The following CEP85L variants were observed in gnomAD, a reference collection of about 807,000 sequenced individuals.
CEP85L encodes the protein centrosomal protein of 85 kDa-like.
CEP85L carries 60 observed loss-of-function variants against 100.3 expected under a neutral mutation model. The ratio of observed to expected loss-of-function variants is 0.60; its 90% CI spans 0.49 to 0.74. CEP85L has a LOEUF of 0.74. Among genes scored for constraint, CEP85L ranks in the 30% least tolerant of loss-of-function variants. The probability of loss-of-function intolerance (pLI) is 0.00; values close to 1 mark genes in which losing one functional copy is unlikely to be tolerated. For missense variants in CEP85L, 973 were observed against 936.2 expected (o/e 1.04, Z -0.51); for synonymous variants, 319 against 322.7 (o/e 0.99, Z 0.12).
At chr6:118,544,025 G>T (rs1778056652) in intron 3 of CEP85L, among the ~76,000 whole-genome samples, 1 of 152,176 alleles carries the variant, frequency 6.6e-6, no homozygotes, top group African/African-American at 2.4e-5. Context: ...GACAGAAAAG[G>T]TATGAGCCTC....
intron 4 of CEP85L, among the ~76,000 whole-genome samples, chr6:118,512,434 G>T (rs1323358629): frequency 2.0e-5 from 3 of 152,172 alleles, no homozygotes; most frequent in Non-Finnish European, 4.4e-5. Flanking sequence ...CCAACTGCCA[G>T]AATAAAAAGC....
chr6:118,678,195 G>A lies in CEP85L; in HGVS notation c.-27-25387C>T, dbSNP rs116360089. On this transcript the variant is annotated intron_variant, in intron 1 of 13. Transcript: ENST00000368488. ...AAAGGAGAAGTTGAGCTATGATCCA[G>A]CCCCAATAAAGGTTGCTCAGCCCAC... 8.5e-3 allele frequency among the ~76,000 whole-genome samples: 1,292 copies of A among 152,334 alleles called. 15 individuals are homozygous for A. The highest frequency in any genetic ancestry group is 0.03 in the African/African-American group (1,246 of 41,568).
chr6:118,568,843 G>A (rs976571003), intron 2 of CEP85L, among the ~76,000 whole-genome samples: 2 of 151,892 alleles, frequency 1.3e-5, no homozygotes, highest in African/African-American at 2.4e-5. Flanking sequence ...TGGAATATTT[G>A]TATTCACATA....
chr6:118,546,781 C>T (rs549518896), intron 3 of CEP85L, among the ~76,000 whole-genome samples: 2 of 152,062 alleles, frequency 1.3e-5, no homozygotes, highest in South Asian at 4.2e-4. Flanking sequence ...ACTGAGAGAT[C>T]CTCATTATGT....
rs2114372943 is a variant in CEP85L, at chr6:118,464,686, A to G, written c.*719T>C. 6.6e-6 allele frequency: 1 copy of G among 152,260 alleles called. No individual in the cohort carries two copies. Among genetic ancestry groups the G allele is most frequent in the Middle Eastern group, 3.4e-3 (1 of 294 alleles). 9.4% of individuals were successfully genotyped at this position (152,260 alleles called of 1,614,324 possible). Reference sequence around the variant, plus strand: ...TATGTTAACCTTTCTTGTAACACATACATTACAATGCTAAGGAAAAAGAGC... The same window carrying G: ...TATGTTAACCTTTCTTGTAACACATGCATTACAATGCTAAGGAAAAAGAGC... On this transcript the variant is annotated 3_prime_UTR_variant, in exon 13 of 13. Coordinates refer to ENST00000368491, the MANE Select transcript of CEP85L (RefSeq NM_001042475.3).
Position 118,524,226 on chromosome 6 carries a change from C to T in CEP85L, c.1021-306G>A, listed in dbSNP as rs998221953. Among the ~76,000 whole-genome samples the T allele has an allele frequency of 2.0e-5, 3 of 152,106 alleles. No individual in the cohort carries two copies. The South Asian group carries it at 6.2e-4, about 32-fold the overall frequency. On this transcript the variant is annotated intron_variant, in intron 3 of 12. Coordinates refer to ENST00000368491, the MANE Select transcript of CEP85L (RefSeq NM_001042475.3). Reference sequence around the variant, plus strand: ...CTGTAATCCCAGCACTTTGGGAGGCCGAGGTCAGGAGATCACCACCATCCT... The same window carrying T: ...CTGTAATCCCAGCACTTTGGGAGGCTGAGGTCAGGAGATCACCACCATCCT...
intron 1 of CEP85L, among the ~76,000 whole-genome samples, chr6:118,664,775 G>C (rs17080456): frequency 0.16 from 24,665 of 151,846 alleles, 2,130 homozygotes; most frequent in Non-Finnish European, 0.19. Context: ...TAATCGCAGT[G>C]ACCACATCTT....
At position 118,668,840 on chromosome 6, in the gene CEP85L, A is replaced by G. The variant is rs116254714; in HGVS notation, c.-27-16032T>C. 4.6e-3 allele frequency among the ~76,000 whole-genome samples: 706 copies of G among 152,314 alleles called. 9 individuals carry two copies. Among genetic ancestry groups the G allele is most frequent in the African/African-American group, 0.016 (669 of 41,560 alleles). ...TTATTGCTCTTTGTTTTCATGTTGA[A>G]TGGCTGCTTCTTATCTGGCTTTGTT... On this transcript the variant is annotated intron_variant, in intron 1 of 13. Transcript: ENST00000368488.
At chr6:118,478,606 G>T (rs1013891455) in intron 10 of CEP85L, among the ~76,000 whole-genome samples, 5 of 152,028 alleles carry the variant, frequency 3.3e-5, no homozygotes, top group African/African-American at 1.2e-4. Context: ...ATAGTGTCTA[G>T]GCCCAAATAT....
At chr6:118,521,654 G>C (rs1229252748) in intron 4 of CEP85L, among the ~76,000 whole-genome samples, 1 of 152,084 alleles carries the variant, frequency 6.6e-6, no homozygotes, top group African/African-American at 2.4e-5. Context: ...AGCTTCAAGA[G>C]ACTTCGTATG....
At chr6:118,635,974 G>A (rs2115334302) in intron 1 of CEP85L, among the ~76,000 whole-genome samples, 1 of 152,262 alleles carries the variant, frequency 6.6e-6, no homozygotes, top group South Asian at 2.1e-4. Context: ...CAGAAAAACA[G>A]TTCAATAAAA....
intron 2 of CEP85L, among the ~76,000 whole-genome samples, chr6:118,575,844 C>T (rs1030547242): frequency 2.6e-5 from 4 of 151,970 alleles, no homozygotes; most frequent in South Asian, 2.1e-4. Flanking sequence ...AAAAACCTCC[C>T]GGGGGAAGAA....
At chr6:118,506,442 A>G (rs1775663793) in intron 5 of CEP85L, among the ~76,000 whole-genome samples, 3 of 152,186 alleles carry the variant, frequency 2.0e-5, no homozygotes, top group Admixed American at 2.0e-4. Flanking sequence ...AAGGAAGTGC[A>G]CTTCTCAAGG....
chr6:118,566,320 G>A lies in CEP85L; in HGVS notation c.233-4C>T. 6.2e-7 allele frequency: 1 copy of A among 1,600,794 alleles called. No homozygotes were observed. Among genetic ancestry groups the A allele is most frequent in the Non-Finnish European group, 8.5e-7 (1 of 1,174,908 alleles). On this transcript the variant is annotated splice_polypyrimidine_tract_variant and splice_region_variant and intron_variant, in intron 2 of 12. Transcript: ENST00000368491. ...GTGCCACTTGAAGTTGAATGATCTGGAAAGAAAAAAGATGGTCAAATTAGT... is the reference window on the plus strand; with the variant it reads ...GTGCCACTTGAAGTTGAATGATCTGAAAAGAAAAAAGATGGTCAAATTAGT...
At chr6:118,682,563 A>T (rs1310406462) in intron 1 of CEP85L, among the ~76,000 whole-genome samples, 1 of 152,116 alleles carries the variant, frequency 6.6e-6, no homozygotes, top group African/African-American at 2.4e-5. Context: ...TTAAAGAAGG[A>T]ATGCTTCACT....
chr6:118,597,072 G>A (rs569627688), intron 2 of CEP85L, among the ~76,000 whole-genome samples: 2 of 152,000 alleles, frequency 1.3e-5, no homozygotes, highest in East Asian at 1.9e-4. Flanking sequence ...CCCTTTGCTC[G>A]AAACTTCTCT....
intron 1 of CEP85L, among the ~76,000 whole-genome samples, chr6:118,632,826 A>T (rs1280058376): frequency 6.6e-6 from 1 of 152,172 alleles, no homozygotes; most frequent in Non-Finnish European, 1.5e-5. Flanking sequence ...TAGCTGAAGA[A>T]CTCTGTTTTC....
chr6:118,554,625 T>G (rs969169532), intron 3 of CEP85L, among the ~76,000 whole-genome samples: 1 of 152,282 alleles, frequency 6.6e-6, no homozygotes, highest in South Asian at 2.1e-4. Context: ...ACATGTAAAT[T>G]GAAATTGTGC....
intron 1 of CEP85L, among the ~76,000 whole-genome samples, chr6:118,673,323 A>T (rs1379952167): frequency 6.6e-6 from 1 of 152,216 alleles, no homozygotes; most frequent in Non-Finnish European, 1.5e-5. Flanking sequence ...ATCCAAAGGG[A>T]TATGAAAATA....
Sources: gnomAD v4.1 joint callset for allele counts (sites outside exome capture counted in the v4.1 genomes callset) on GRCh38, gnomAD v4.1.1 for gene constraint, MANE v1.5 for transcripts, NCBI Gene and HGNC (gene_info 2026-07-23, HGNC 2026-07-21) for gene names.